SHTN1: variants seen among roughly 807,000 people sequenced by gnomAD.
SHTN1 encodes the protein shootin-1.
A neutral mutation model predicts 83.1 loss-of-function variants in SHTN1; 42 were observed. The observed-to-expected ratio is 0.51, with a 90% CI of 0.39 to 0.65. The LOEUF (loss-of-function observed/expected upper bound fraction) is 0.65. Among genes scored for constraint, SHTN1 ranks in the 30% least tolerant of loss-of-function variants. The pLI is 0.00. For synonymous variants in SHTN1, 224 were observed against 247.7 expected (o/e 0.90, Z 0.90); for missense variants, 622 against 737.8 (o/e 0.84, Z 1.82).
At chr10:117,073,572 G>T (rs1448055182) in intron 1 of SHTN1, among the ~76,000 whole-genome samples, 1 of 152,198 alleles carries the variant, frequency 6.6e-6, no homozygotes, top group Non-Finnish European at 1.5e-5. Context: ...GATAAAAGCA[G>T]TGCCACTTTT....
At chr10:117,059,055 G>A (rs2133594061) in intron 1 of SHTN1, among the ~76,000 whole-genome samples, 1 of 152,302 alleles carries the variant, frequency 6.6e-6, no homozygotes, top group East Asian at 1.9e-4. Flanking sequence ...AGAAATGGAT[G>A]ATGGTGATAG....
chr10:117,075,433 G>A (rs11197884), intron 1 of SHTN1, among the ~76,000 whole-genome samples: 3,230 of 152,252 alleles, frequency 0.021, 41 homozygotes, highest in Non-Finnish European at 0.035. Flanking sequence ...AATAAATACC[G>A]GGCAAATTCT....
At chr10:116,891,522 T>C (rs1847342457) in intron 16 of SHTN1, among the ~76,000 whole-genome samples, 1 of 152,228 alleles carries the variant, frequency 6.6e-6, no homozygotes, top group South Asian at 2.1e-4. Flanking sequence ...ACAGAAAGAT[T>C]TAAATTTGTC....
At chr10:117,006,707 T>C (rs540267067), upstream of SHTN1, among the ~76,000 whole-genome samples, 1 of 152,252 alleles carries the variant, frequency 6.6e-6, no homozygotes, top group East Asian at 1.9e-4. Context: ...TTGCACAGCT[T>C]GGTTTTTCTC....
chr10:116,952,020 GAA>G lies in SHTN1; in HGVS notation c.437-16_437-15del, dbSNP rs147897295. 5.3e-6 allele frequency: 7 copies of G among 1,315,100 alleles called. No homozygotes were observed. Among genetic ancestry groups the G allele is most frequent in the Non-Finnish European group, 7.2e-6 (7 of 971,638 alleles). 81.5% of individuals were successfully genotyped at this position (1,315,100 alleles called of 1,614,324 possible). A position where few individuals can be genotyped will look rare whatever the true frequency, so the allele number is the denominator to read the frequency against. On this transcript the variant is annotated splice_polypyrimidine_tract_variant and intron_variant, in intron 5 of 16. Coordinates refer to ENST00000355371, the MANE Select transcript of SHTN1 (RefSeq NM_001127211.3). The stretch of plus-strand genomic sequence containing the variant: ...GATCTCGAAGTTCTGCATTTTTAAA[GAA>G]AAAAAATATATAAATAAACTTATTT...
intron 16 of SHTN1, among the ~76,000 whole-genome samples, chr10:116,888,760 A>G (rs1343375335): frequency 6.6e-6 from 1 of 152,218 alleles, no homozygotes; most frequent in Non-Finnish European, 1.5e-5. Context: ...AAGCTATAAC[A>G]GAGCCTGCCC....
At chr10:117,073,072 G>C (rs112481315) in intron 1 of SHTN1, among the ~76,000 whole-genome samples, 446 of 152,260 alleles carry the variant, frequency 2.9e-3, no homozygotes, top group African/African-American at 0.01. Context: ...AAATGCTCTG[G>C]AAAGTCTCAG....
At position 116,881,480 on chromosome 10, in the gene SHTN1, GA is replaced by G. The variant is rs1353439068; in HGVS notation, c.*4863del. 1 of 1,485,646 alleles carries G rather than the reference GA, an allele frequency of 6.7e-7. No individual in the cohort carries two copies. The highest frequency in any genetic ancestry group is 9.0e-7 in the Non-Finnish European group (1 of 1,107,310). The allele number at this position is 1,485,646 out of a possible 1,614,324, so 92.0% of individuals were successfully genotyped here. On this transcript the variant is annotated 3_prime_UTR_variant, in exon 17 of 17. Coordinates refer to ENST00000355371, the MANE Select transcript of SHTN1 (RefSeq NM_001127211.3). Reference sequence around the variant, plus strand: ...TAGTATATAAAAACTGGCACCATTGGATTAGACAGTAAACTTTATTGTTACT... The same window carrying G: ...TAGTATATAAAAACTGGCACCATTGGTTAGACAGTAAACTTTATTGTTACT...
At chr10:117,004,959 C>A in intron 1 of SHTN1, 63 bp downstream of exon 1, 1 of 1,495,890 alleles carries the variant, frequency 6.7e-7, no homozygotes, top group East Asian at 2.4e-5. Context: ...GGCCCCAGCG[C>A]CCTGGGGCCG....
chr10:117,065,798 AAGGAAGGAAGGAAGGAAGGAAG>A (rs1852983484), intron 1 of SHTN1, among the ~76,000 whole-genome samples: 1 of 25,640 alleles, frequency 3.9e-5, no homozygotes, highest in Admixed American at 4.9e-4. Context: ...GGAAGGAAGG[AAGGAAGGAAGGAAGGAAGGAAG>A]GAAGGAAGGA....
In SHTN1 at chr10:117,011,474, T is replaced by C. The variant is rs78896649; in HGVS notation, c.-122-32166A>G. Among the ~76,000 whole-genome samples, 940 of 152,314 alleles carry C rather than the reference T, an allele frequency of 6.2e-3. 11 individuals are homozygous for C. The highest frequency in any genetic ancestry group is 0.022 in the African/African-American group (900 of 41,576). ...GTCAATATGTCTGTCCTTATGCCAGTACCATCTCTATTCATAGATGGCAAA... is the reference window on the plus strand; with the variant it reads ...GTCAATATGTCTGTCCTTATGCCAGCACCATCTCTATTCATAGATGGCAAA... On this transcript the variant is annotated intron_variant, in intron 2 of 17. Coordinates refer to the SHTN1 transcript ENST00000392901.
chr10:117,085,959 A>T (rs1273402256), intron 1 of SHTN1, among the ~76,000 whole-genome samples: 1 of 118,162 alleles, frequency 8.5e-6, no homozygotes, highest in Admixed American at 1.3e-4. Context: ...CTCGCTCTGT[A>T]GACCAGGCTG....
intron 1 of SHTN1, among the ~76,000 whole-genome samples, chr10:117,004,265 G>A (rs1477621385): frequency 1.3e-5 from 2 of 152,086 alleles, no homozygotes; most frequent in Non-Finnish European, 2.9e-5. Context: ...AATGTGATAG[G>A]TTAGCATTTG....
At chr10:116,968,272 G>A (rs1013938417) in intron 3 of SHTN1, among the ~76,000 whole-genome samples, 1 of 152,128 alleles carries the variant, frequency 6.6e-6, no homozygotes, top group African/African-American at 2.4e-5. Flanking sequence ...GAAAAAAGCA[G>A]ACTGCAAAAC....
chr10:117,091,865 T>C (rs1372939174), intron 1 of SHTN1, among the ~76,000 whole-genome samples: 1 of 152,158 alleles, frequency 6.6e-6, no homozygotes, highest in Admixed American at 6.5e-5. Flanking sequence ...CTAGTTCCCT[T>C]ACTACATGAC....
chr10:116,920,638 T>C (rs2133363188), intron 12 of SHTN1, among the ~76,000 whole-genome samples: 1 of 152,160 alleles, frequency 6.6e-6, no homozygotes, highest in Non-Finnish European at 1.5e-5. Flanking sequence ...CTCATCACGT[T>C]ATACCTCTGC....
rs563193640 is a variant in SHTN1, at chr10:117,101,301, G to A, written c.-189+25006C>T. Among the ~76,000 whole-genome samples the A allele has an allele frequency of 2.2e-4, 34 of 152,230 alleles. 1 individual carries two copies. Among genetic ancestry groups the A allele is most frequent in the Admixed American group, 1.4e-3 (22 of 15,290 alleles). On this transcript the variant is annotated intron_variant, in intron 1 of 17. Transcript: ENST00000392901. ...TCTGTATGTGGAGTTTCAGGGATAG[G>A]CAGCTACATGGACCAATAATCTAGT...
chr10:116,912,365 T>A (rs1848232431), intron 13 of SHTN1, among the ~76,000 whole-genome samples: 1 of 151,942 alleles, frequency 6.6e-6, no homozygotes, highest in Non-Finnish European at 1.5e-5. Context: ...GAGGACAGAG[T>A]CGAGAGAGCA....
chr10:117,107,703 T>C (rs1206506197), intron 1 of SHTN1, among the ~76,000 whole-genome samples: 1 of 152,160 alleles, frequency 6.6e-6, no homozygotes. Context: ...GGGAAACTCA[T>C]GGACTGGACT....
Sources: allele counts gnomAD v4.1 joint callset (sites outside exome capture counted in the v4.1 genomes callset), GRCh38; gene constraint gnomAD v4.1.1; transcripts MANE v1.5; gene names NCBI Gene and HGNC (gene_info 2026-07-23, HGNC 2026-07-21).